The following CDC42BPB variants were observed in gnomAD, a reference collection of about 807,000 sequenced individuals.
The protein encoded by CDC42BPB is serine/threonine-protein kinase MRCK beta.
A neutral mutation model predicts 214.9 loss-of-function variants in CDC42BPB; 37 were observed. The ratio of observed to expected loss-of-function variants is 0.17; its 90% CI spans 0.13 to 0.23. The LOEUF (loss-of-function observed/expected upper bound fraction) is 0.23. CDC42BPB is among the 10% of genes least tolerant of loss of function. CDC42BPB has a pLI of 1.00. For synonymous variants in CDC42BPB, 931 were observed against 884.0 expected (o/e 1.05, Z -0.94); for missense variants, 1,694 against 2,227.0 (o/e 0.76, Z 4.82).
At chr14:103,021,847 G>A (rs1886792452) in intron 1 of CDC42BPB, among the ~76,000 whole-genome samples, 1 of 152,228 alleles carries the variant, frequency 6.6e-6, no homozygotes, top group African/African-American at 2.4e-5. Flanking sequence ...AAGCAGCGGT[G>A]AGATCCTGGC....
Position 102,971,943 on chromosome 14 carries a change from C to T in CDC42BPB, c.1860G>A (p.Arg620=). 1 of 1,614,236 alleles carries T rather than the reference C, an allele frequency of 6.2e-7. No individual in the cohort carries two copies. Among genetic ancestry groups the T allele is most frequent in the Non-Finnish European group, 8.5e-7 (1 of 1,180,046 alleles). Residue 620 remains arginine, a synonymous_variant, in exon 13 of 37, where the codon CGG becomes CGA. Coordinates refer to ENST00000361246, the MANE Select transcript of CDC42BPB (RefSeq NM_006035.4). The part of the protein sequence containing the change: ...QKVDAMRQEM[R]RAEKLRKELE... ...CCTCTTTCCTGAGCTTCTCAGCTCTCCGCATTTCCTGCCGCATGGCGTCCA... is the reference window on the plus strand; with the variant it reads ...CCTCTTTCCTGAGCTTCTCAGCTCTTCGCATTTCCTGCCGCATGGCGTCCA...
At chr14:102,980,482 A>G (rs1893950006) in intron 8 of CDC42BPB, among the ~76,000 whole-genome samples, 1 of 152,050 alleles carries the variant, frequency 6.6e-6, no homozygotes, top group Non-Finnish European at 1.5e-5. Flanking sequence ...ACAGAGCAAG[A>G]CTGTCTCAAA....
At chr14:102,940,687 G>A in intron 30 of CDC42BPB, 1 of 334,116 alleles carries the variant, frequency 3.0e-6, no homozygotes, top group Non-Finnish European at 5.7e-6. Context: ...TCAGGTAGGG[G>A]CCGACTGTTC....
chr14:102,941,435 G>A (rs2139351579), intron 30 of CDC42BPB: 1 of 985,448 alleles, frequency 1.0e-6, no homozygotes, highest in Non-Finnish European at 1.2e-6. Flanking sequence ...GGGTTTGCAA[G>A]AAAGACAAAA....
At chr14:103,013,708 G>A (rs971611739) in intron 1 of CDC42BPB, among the ~76,000 whole-genome samples, 14 of 152,310 alleles carry the variant, frequency 9.2e-5, no homozygotes, top group African/African-American at 2.4e-4. Context: ...CACAAGGAGC[G>A]CCAAGCATTG....
chr14:103,048,739 T>C (rs1332558606), intron 1 of CDC42BPB, among the ~76,000 whole-genome samples: 1 of 148,420 alleles, frequency 6.7e-6, no homozygotes, highest in Non-Finnish European at 1.5e-5. Context: ...CCAGGTGTGA[T>C]GGTGGGTGCC....
rs181846673 is a variant in CDC42BPB, at chr14:102,998,430, T to C, written c.596+1135A>G. The stretch of plus-strand genomic sequence containing the variant: ...GGCTTGGTTTTGGTTGGAGGCTCTA[T>C]AGAACTGTTTGACTTTTTAAACCTA... On this transcript the variant is annotated intron_variant, in intron 5 of 36. Coordinates refer to ENST00000361246, the MANE Select transcript of CDC42BPB (RefSeq NM_006035.4). Among the ~76,000 whole-genome samples the C allele has an allele frequency of 1.9e-4, 29 of 152,372 alleles. No individual in the cohort carries two copies. In the East Asian group the frequency reaches 3.7e-3, roughly 19 times the overall value.
intron 26 of CDC42BPB, 140 bp from the exon 27 acceptor site, chr14:102,947,942 G>T: frequency 1.3e-6 from 2 of 1,498,894 alleles, no homozygotes; most frequent in Admixed American, 2.3e-5. Flanking sequence ...CGCCTCCCCA[G>T]ATGTAAGAAA....
chr14:102,938,940 A>ATT (rs528691728), intron 34 of CDC42BPB, among the ~76,000 whole-genome samples: 4 of 121,300 alleles, frequency 3.3e-5, no homozygotes, highest in Non-Finnish European at 5.5e-5. Flanking sequence ...AAAATACATA[A>ATT]TTTTTTTTTT....
At chr14:102,986,167 A>C (rs1894239068) in intron 6 of CDC42BPB, 1 of 281,642 alleles carries the variant, frequency 3.6e-6, no homozygotes, top group South Asian at 4.0e-5. Flanking sequence ...CCTTTAAGGA[A>C]GAAGCAGGGA....
chr14:102,950,704 G>A (rs191606227), intron 24 of CDC42BPB, 102 bp from the exon 25 acceptor site: 461 of 1,384,826 alleles, frequency 3.3e-4, no homozygotes, highest in Non-Finnish European at 3.9e-4. Context: ...ACCAGGTCTC[G>A]CCTGGAATCC....
intron 1 of CDC42BPB, among the ~76,000 whole-genome samples, chr14:103,016,418 C>A (rs1183577249): frequency 6.6e-6 from 1 of 152,042 alleles, no homozygotes; most frequent in Non-Finnish European, 1.5e-5. Flanking sequence ...GGTCAGAGCT[C>A]CCCAGGATTG....
At chr14:103,045,926 C>T (rs1420911022) in intron 1 of CDC42BPB, among the ~76,000 whole-genome samples, 4 of 152,058 alleles carry the variant, frequency 2.6e-5, no homozygotes, top group Non-Finnish European at 5.9e-5. Flanking sequence ...GCTAAGTGTA[C>T]GACAAGGGAT....
intron 12 of CDC42BPB, 28 bp downstream of exon 12, chr14:102,973,988 C>T (rs201744611): frequency 2.5e-6 from 4 of 1,584,336 alleles, no homozygotes; most frequent in African/African-American, 1.4e-5. Context: ...TCCCGTAAGC[C>T]TTTCTCACCC....
At chr14:102,979,981 T>C (rs2139512158) in intron 8 of CDC42BPB, among the ~76,000 whole-genome samples, 1 of 152,308 alleles carries the variant, frequency 6.6e-6, no homozygotes, top group Non-Finnish European at 1.5e-5. Context: ...TCTTGCTGTA[T>C]AAAGAAACAC....
intron 23 of CDC42BPB, among the ~76,000 whole-genome samples, chr14:102,953,575 G>A (rs571999149): frequency 2.6e-5 from 4 of 152,326 alleles, no homozygotes; most frequent in African/African-American, 7.2e-5. Flanking sequence ...TTAGGCCACA[G>A]GGCTACGTAC....
intron 5 of CDC42BPB, among the ~76,000 whole-genome samples, chr14:102,992,532 C>T (rs543186934): frequency 5.9e-5 from 9 of 152,270 alleles, no homozygotes; most frequent in African/African-American, 1.9e-4. Context: ...TCCCAGCCTG[C>T]GCTGACAGCA....
At chr14:103,022,448 A>ACCTCCTGGGCTCAACGGATCCTC (rs1311434378) in intron 1 of CDC42BPB, among the ~76,000 whole-genome samples, 14 of 151,976 alleles carry the variant, frequency 9.2e-5, no homozygotes, top group Non-Finnish European at 1.2e-4. Context: ...TGCAGCCTCC[A>ACCTCCTGGGCTCAACGGATCCTC]CCTCCTGGGC....
intron 1 of CDC42BPB, among the ~76,000 whole-genome samples, chr14:103,025,018 G>C (rs1012796084): frequency 6.6e-6 from 1 of 152,170 alleles, no homozygotes; most frequent in African/African-American, 2.4e-5. Flanking sequence ...CTAGTAGACA[G>C]TATATTTTGA....
Sources: gnomAD v4.1 joint callset for allele counts (sites outside exome capture counted in the v4.1 genomes callset) on GRCh38, gnomAD v4.1.1 for gene constraint, MANE v1.5 for transcripts, NCBI Gene and HGNC (gene_info 2026-07-23, HGNC 2026-07-21) for gene names.